KCNIP4: variants seen among roughly 807,000 people sequenced by gnomAD.
The protein encoded by KCNIP4 is Kv channel-interacting protein 4.
KCNIP4 carries 12 observed loss-of-function variants against 34.0 expected under a neutral mutation model. The ratio of observed to expected loss-of-function variants is 0.35; its 90% CI spans 0.23 to 0.57. KCNIP4 has a LOEUF of 0.57. KCNIP4 is among the 20% of genes least tolerant of loss of function. The pLI, the probability that KCNIP4 is intolerant of heterozygous loss-of-function variation, is 0.83. For synonymous variants in KCNIP4, 124 were observed against 102.2 expected, an observed-to-expected ratio of 1.21 and a Z score of -1.29; for missense variants, 238 against 311.7, an observed-to-expected ratio of 0.76 and a Z score of 1.78.
intron 1 of KCNIP4, among the ~76,000 whole-genome samples, chr4:20,918,377 T>A (rs536405680): frequency 6.6e-6 from 1 of 152,200 alleles, no homozygotes; most frequent in Non-Finnish European, 1.5e-5. Flanking sequence ...GTTTCTCTGA[T>A]ATTAAAAGAA....
intron 1 of KCNIP4, among the ~76,000 whole-genome samples, chr4:21,720,595 A>G (rs573901440): frequency 6.8e-6 from 1 of 147,812 alleles, no homozygotes; most frequent in Admixed American, 6.8e-5. Flanking sequence ...GGTTTGTTAC[A>G]TATGTATACA....
chr4:20,884,580 AGCTCCCTACACAG>A (rs1725070816), intron 1 of KCNIP4, among the ~76,000 whole-genome samples: 1 of 151,770 alleles, frequency 6.6e-6, no homozygotes, highest in Non-Finnish European at 1.5e-5. Context: ...GTCTTACTTT[AGCTCCCTACACAG>A]GCACTCTGCT....
chr4:21,288,970 C>T (rs1023126355), intron 1 of KCNIP4, among the ~76,000 whole-genome samples: 8 of 152,088 alleles, frequency 5.3e-5, no homozygotes, highest in African/African-American at 1.7e-4. Flanking sequence ...ATCTTATCCC[C>T]ACTTGTTAAT....
intron 1 of KCNIP4, among the ~76,000 whole-genome samples, chr4:21,344,974 A>G (rs1717146993): frequency 6.6e-6 from 1 of 152,120 alleles, no homozygotes; most frequent in African/African-American, 2.4e-5. Context: ...GGTTTTAAAG[A>G]TACATCCATA....
At chr4:21,287,367 C>A (rs1763184078) in intron 1 of KCNIP4, among the ~76,000 whole-genome samples, 1 of 152,060 alleles carries the variant, frequency 6.6e-6, no homozygotes, top group African/African-American at 2.4e-5. Flanking sequence ...AAACATAGGT[C>A]CATATCTCAT....
intron 1 of KCNIP4, among the ~76,000 whole-genome samples, chr4:21,015,833 C>A (rs556353219): frequency 1.4e-4 from 18 of 126,896 alleles, no homozygotes; most frequent in African/African-American, 3.8e-4. Context: ...AAAATATATA[C>A]AATATATACA....
intron 1 of KCNIP4, among the ~76,000 whole-genome samples, chr4:21,738,099 A>G: frequency 3.5e-5 from 1 of 28,956 alleles, no homozygotes; most frequent in East Asian, 3.2e-4. Flanking sequence ...CTCAAAATAA[A>G]TAAATAAATA....
intron 1 of KCNIP4, among the ~76,000 whole-genome samples, chr4:21,757,708 T>A (rs898274810): frequency 2.6e-5 from 4 of 152,232 alleles, no homozygotes; most frequent in South Asian, 2.1e-4. Flanking sequence ...AAAGTAGAAC[T>A]GGTGATGCCT....
intron 1 of KCNIP4, among the ~76,000 whole-genome samples, chr4:21,776,354 T>C (rs1187379592): frequency 6.6e-6 from 1 of 152,076 alleles, no homozygotes; most frequent in Non-Finnish European, 1.5e-5. Flanking sequence ...GATGGGAGCC[T>C]CCGAACGTTG....
chr4:21,525,893 A>C (rs1486331395), intron 1 of KCNIP4, among the ~76,000 whole-genome samples: 2 of 152,186 alleles, frequency 1.3e-5, no homozygotes, highest in Non-Finnish European at 2.9e-5. Context: ...GTAAGAGTTT[A>C]TCTTGTTTTG....
In KCNIP4 at chr4:20,774,625, C is replaced by G. The variant is rs114354663; in HGVS notation, c.289-15735G>C. On this transcript the variant is annotated intron_variant, in intron 3 of 8. Transcript: ENST00000382152. ...GTAAATAACCATTCAGTTACAGTTG[C>G]GATAAGTGCTACAAACCAAGTATGG... Among the ~76,000 whole-genome samples, 209 of 152,218 alleles carry G rather than the reference C, an allele frequency of 1.4e-3. 1 individual carries two copies. The highest frequency in any genetic ancestry group is 4.6e-3 in the African/African-American group (193 of 41,530).
At chr4:21,310,717 C>T (rs1257576217) in intron 1 of KCNIP4, among the ~76,000 whole-genome samples, 4 of 151,916 alleles carry the variant, frequency 2.6e-5, no homozygotes, top group Non-Finnish European at 1.5e-5. Context: ...TTGCAAGCTC[C>T]GCCTCCGAGG....
chr4:21,406,602 A>T (rs1178057814), intron 1 of KCNIP4, among the ~76,000 whole-genome samples: 1 of 152,216 alleles, frequency 6.6e-6, no homozygotes, highest in Non-Finnish European at 1.5e-5. Context: ...CCCATTGCCT[A>T]CATAAATATG....
chr4:21,833,312 G>A (rs1258070479), intron 1 of KCNIP4, among the ~76,000 whole-genome samples: 3 of 152,060 alleles, frequency 2.0e-5, no homozygotes, highest in Non-Finnish European at 4.4e-5. Context: ...ATCTCATTGT[G>A]GTTTTGATTT....
At chr4:21,239,187 A>G (rs1209517506) in intron 1 of KCNIP4, among the ~76,000 whole-genome samples, 1 of 150,984 alleles carries the variant, frequency 6.6e-6, no homozygotes, top group Non-Finnish European at 1.5e-5. Context: ...GAAAGCTGAA[A>G]CTGGATCCCT....
intron 1 of KCNIP4, among the ~76,000 whole-genome samples, chr4:21,482,706 T>C (rs1209422535): frequency 6.6e-6 from 1 of 152,170 alleles, no homozygotes; most frequent in Non-Finnish European, 1.5e-5. Flanking sequence ...GGCTTCCCTT[T>C]GTGGGTAACC....
intron 1 of KCNIP4, among the ~76,000 whole-genome samples, chr4:21,008,552 C>G (rs1218334636): frequency 6.6e-6 from 1 of 150,910 alleles, no homozygotes; most frequent in Non-Finnish European, 1.5e-5. Context: ...GAGACGGAGT[C>G]TCGCTCTGTC....
intron 3 of KCNIP4, among the ~76,000 whole-genome samples, chr4:20,796,648 T>A (rs1713509271): frequency 6.6e-6 from 1 of 151,886 alleles, no homozygotes; most frequent in Non-Finnish European, 1.5e-5. Context: ...AAAGAATCAC[T>A]TTTGTTTTGA....
chr4:21,699,514 G>C (rs1302103782), intron 1 of KCNIP4, among the ~76,000 whole-genome samples: 1 of 152,186 alleles, frequency 6.6e-6, no homozygotes, highest in African/African-American at 2.4e-5. Context: ...GGTCAGGAAA[G>C]AGGTCTCTAA....
Sources: gnomAD v4.1 joint callset for allele counts (sites outside exome capture counted in the v4.1 genomes callset) on GRCh38, gnomAD v4.1.1 for gene constraint, MANE v1.5 for transcripts, NCBI Gene and HGNC (gene_info 2026-07-23, HGNC 2026-07-21) for gene names.